Variants in ITGA4 observed in about 807,000 individuals in gnomAD.
ITGA4 encodes the protein integrin subunit alpha 4.
Under a neutral mutation model 133.6 loss-of-function variants are expected in ITGA4, and 63 were observed. The observed-to-expected ratio is 0.47, with a 90% CI of 0.38 to 0.58. The LOEUF is 0.58. Among genes scored for constraint, ITGA4 ranks in the 20% least tolerant of loss-of-function variants. The probability of loss-of-function intolerance (pLI) is 0.00; values close to 1 mark genes in which losing one functional copy is unlikely to be tolerated. For missense variants in ITGA4, 1,076 were observed against 1,252.7 expected (o/e 0.86, Z 2.13); for synonymous variants, 483 against 438.0 (o/e 1.10, Z -1.28).
Position 181,490,455 on chromosome 2 carries a change from ATT to A in ITGA4, c.1154-2859_1154-2858del, listed in dbSNP as rs5836792. On this transcript the variant is annotated intron_variant, in intron 10 of 27. Coordinates refer to ENST00000397033, the MANE Select transcript of ITGA4 (RefSeq NM_000885.6). The stretch of plus-strand genomic sequence containing the variant: ...CTGTTGCTGCAGAATACATGATTTC[ATT>A]TTTTTTTTTTATGGCTGAATAGTAT... Among the ~76,000 whole-genome samples the A allele has an allele frequency of 9.7e-3, 1,411 of 145,392 alleles. 21 individuals are homozygous for A. Among genetic ancestry groups the A allele is most frequent in the East Asian group, 0.077 (386 of 5,024 alleles).
intron 9 of ITGA4, 120 bp from the exon 10 acceptor site, chr2:181,485,761 C>CCAACT (rs1685900244): frequency 1.3e-6 from 1 of 745,860 alleles, no homozygotes; most frequent in African/African-American, 1.8e-5. Flanking sequence ...AAAGCTCAGT[C>CCAACT]TGTAGTTTGT....
chr2:181,481,632 G>A lies in ITGA4; in HGVS notation c.789G>A (p.Gln263=). 1 of 1,599,562 alleles carries A rather than the reference G, an allele frequency of 6.3e-7. No homozygotes were observed. The highest frequency in any genetic ancestry group is 8.6e-7 in the Non-Finnish European group (1 of 1,169,308). Residue 263 remains glutamine, a synonymous_variant, in exon 7 of 28, where the codon CAG becomes CAA. Transcript: ENST00000397033. Reference sequence around the variant, plus strand: ...TCGGAGCTGGTCATTTTCGGAGCCAGCATACTACCGAAGTAGTCGGAGGAG... The same window carrying A: ...TCGGAGCTGGTCATTTTCGGAGCCAACATACTACCGAAGTAGTCGGAGGAG... ...YSVGAGHFRS[Q]HTTEVVGGAP...
At chr2:181,472,310 T>C (rs957952206) in intron 2 of ITGA4, among the ~76,000 whole-genome samples, 2 of 152,270 alleles carry the variant, frequency 1.3e-5, no homozygotes, top group East Asian at 1.9e-4. Flanking sequence ...ATTAAGCTAT[T>C]TACATGGTAC....
rs1247019640 is a variant in ITGA4, at chr2:181,521,154, C to A, written c.1923-1037C>A. 1.6e-4 allele frequency among the ~76,000 whole-genome samples: 24 copies of A among 152,066 alleles called. 1 individual carries two copies. Among genetic ancestry groups the A allele is most frequent in the Admixed American group, 1.6e-3 (24 of 15,250 alleles). On this transcript the variant is annotated intron_variant, in intron 17 of 27. Coordinates refer to ENST00000397033, the MANE Select transcript of ITGA4 (RefSeq NM_000885.6). The stretch of plus-strand genomic sequence containing the variant: ...TTTGCTTTGGGTAAATGCTTCTCTA[C>A]TTTTAACTAATTTTTCTGAATGTTA...
In ITGA4 at chr2:181,536,585, AAAATTCATAAATTT is replaced by A. The variant is rs201162970; in HGVS notation, c.*1074_*1087del. ...TTACCTTACATGGAAACGAAGAAAC[AAAATTCATAAATTT>A]AAATTCATAAATTTAGCTGAAAGAT... On this transcript the variant is annotated 3_prime_UTR_variant, in exon 28 of 28. Transcript: ENST00000397033. 2,846 of 169,938 alleles carry A rather than the reference AAAATTCATAAATTT, an allele frequency of 0.017. 73 individuals carry two copies. Among genetic ancestry groups the A allele is most frequent in the African/African-American group, 0.064 (2,645 of 41,596 alleles). 10.5% of individuals were successfully genotyped at this position (169,938 alleles called of 1,614,324 possible).
chr2:181,498,619 G>T lies in ITGA4; in HGVS notation c.1541-4G>T, dbSNP rs773840770. 6.4e-7 allele frequency: 1 copy of T among 1,574,580 alleles called. No individual in the cohort carries two copies. ...ATTAATTGCAATTCTCTATATTTTT[G>T]CAGTTTTGTTTTATAACATGAGTTT... On this transcript the variant is annotated splice_polypyrimidine_tract_variant and splice_region_variant and intron_variant, in intron 14 of 27. Transcript: ENST00000397033.
chr2:181,485,638 A>T (rs1291661611), intron 9 of ITGA4, among the ~76,000 whole-genome samples: 1 of 152,224 alleles, frequency 6.6e-6, no homozygotes, highest in African/African-American at 2.4e-5. Flanking sequence ...TGGATTTTCA[A>T]AGCTAGAGAT....
At position 181,536,301 on chromosome 2, in the gene ITGA4, C is replaced by T. The variant is rs1687085613; in HGVS notation, c.*774C>T. The stretch of plus-strand genomic sequence containing the variant: ...CCTATCTATTCTTCCTATAACACAC[C>T]TTTATCAAGCATACCCAGGAGTAAT... On this transcript the variant is annotated 3_prime_UTR_variant, in exon 28 of 28. Transcript: ENST00000397033. 6.6e-6 allele frequency: 1 copy of T among 151,850 alleles called. No homozygotes were observed. The highest frequency in any genetic ancestry group is 1.5e-5 in the Non-Finnish European group (1 of 67,936). 9.4% of individuals were successfully genotyped at this position (151,850 alleles called of 1,614,324 possible). A position where few individuals can be genotyped will look rare whatever the true frequency, so the allele number is the denominator to read the frequency against.
chr2:181,535,454 A>T lies in ITGA4; in HGVS notation c.3026A>T (p.Tyr1009Phe). The change falls in exon 28 of 28, where the codon TAC becomes TTC. Residue 1009 changes from tyrosine to phenylalanine, a missense_variant. Tyr to Phe is a conservative substitution (Grantham distance 22). This residue lies in a region of ITGA4 where 193 missense variants were observed against 172.3 expected (regional missense o/e 1.12). Coordinates refer to ENST00000397033, the MANE Select transcript of ITGA4 (RefSeq NM_000885.6). ...CAGGCTGGCTTCTTTAAAAGACAAT[A>T]CAAATCTATCCTACAAGAAGAAAAC... ...MWKAGFFKRQ[Y>F]KSILQEENRR... The T allele has an allele frequency of 6.2e-7, 1 of 1,609,526 alleles. No homozygotes were observed. Among genetic ancestry groups the T allele is most frequent in the Non-Finnish European group, 8.5e-7 (1 of 1,177,604 alleles).
intron 2 of ITGA4, among the ~76,000 whole-genome samples, chr2:181,466,747 TAAAAG>T (rs1161714296): frequency 1.3e-5 from 2 of 152,130 alleles, no homozygotes; most frequent in Non-Finnish European, 2.9e-5. Flanking sequence ...TATTAGGACT[TAAAAG>T]GAAAAACTAA....
At chr2:181,526,588 G>T (rs961797621) in intron 21 of ITGA4, among the ~76,000 whole-genome samples, 1 of 152,092 alleles carries the variant, frequency 6.6e-6, no homozygotes, top group African/African-American at 2.4e-5. Flanking sequence ...AGCCAGCAGG[G>T]ATCATGAGAT....
At chr2:181,521,902 A>G (rs776840524) in intron 17 of ITGA4, among the ~76,000 whole-genome samples, 1 of 152,188 alleles carries the variant, frequency 6.6e-6, no homozygotes, top group Non-Finnish European at 1.5e-5. Flanking sequence ...TTAAAATTAT[A>G]GAAGCAAGAG....
chr2:181,509,862 A>T, intron 16 of ITGA4, 55 bp downstream of exon 16: 1 of 1,325,518 alleles, frequency 7.5e-7, no homozygotes, highest in Non-Finnish European at 1.1e-6. Flanking sequence ...TAAATTTTTA[A>T]AATATGGCAT....
At chr2:181,505,010 G>C (rs1277316310) in intron 15 of ITGA4, among the ~76,000 whole-genome samples, 12 of 151,754 alleles carry the variant, frequency 7.9e-5, no homozygotes, top group African/African-American at 2.9e-4. Flanking sequence ...CCCTGCATTA[G>C]CACCAGAGAG....
In ITGA4 at chr2:181,482,641, A is replaced by T. The variant is rs770276809; in HGVS notation, c.1031A>T (p.Asn344Ile). 6.2e-7 allele frequency: 1 copy of T among 1,613,458 alleles called. No homozygotes were observed. Among genetic ancestry groups the T allele is most frequent in the Non-Finnish European group, 8.5e-7 (1 of 1,179,606 alleles). Residue 344 changes from asparagine to isoleucine, a missense_variant, in exon 9 of 28, where the codon AAC (asparagine) becomes ATC (isoleucine). By Grantham distance (149) the Asn-to-Ile change is moderately radical. Around this residue, in one of 4 missense-constraint regions of ITGA4, gnomAD observed 436 missense variants for 590.7 expected, o/e 0.74. Coordinates refer to ENST00000397033, the MANE Select transcript of ITGA4 (RefSeq NM_000885.6). ...GAAGGAAGAGTGTTTGTGTACATCA[A>T]CTCTGGCTCGGTATGTCCAAGTGCC... ...REEGRVFVYI[N>I]SGSGAVMNAM...
At chr2:181,491,142 A>T (rs1250740847) in intron 10 of ITGA4, among the ~76,000 whole-genome samples, 1 of 152,202 alleles carries the variant, frequency 6.6e-6, no homozygotes, top group East Asian at 1.9e-4. Flanking sequence ...TATGGAAAAA[A>T]ATTTATCTGG....
rs1306947082 is a variant in ITGA4, at chr2:181,524,230, T to C, written c.2229T>C (p.Ser743=). ...SSLSRAEEDL[S]ITVHATCENE... ...TCAGCAGAGCGGAAGAGGACCTCAG[T>C]ATCACAGTGCATGCTACCTGGTATA... Residue 743 remains serine (S), a synonymous_variant, in exon 20 of 28, where the codon AGT becomes AGC. Coordinates refer to ENST00000397033, the MANE Select transcript of ITGA4 (RefSeq NM_000885.6). 2 of 1,589,008 alleles carry C rather than the reference T, an allele frequency of 1.3e-6. No individual in the cohort carries two copies. The highest frequency in any genetic ancestry group is 1.7e-6 in the Non-Finnish European group (2 of 1,164,574).
intron 16 of ITGA4, 109 bp downstream of exon 16, chr2:181,509,916 G>T (rs779493992): frequency 2.6e-6 from 2 of 769,126 alleles, no homozygotes; most frequent in Admixed American, 2.9e-5. Context: ...TTAAAAATAC[G>T]AATTTTTAAA....
In ITGA4 at chr2:181,535,670, G is replaced by A; in HGVS notation, c.*143G>A. 3 of 1,052,784 alleles carry A rather than the reference G, an allele frequency of 2.8e-6. No homozygotes were observed. The highest frequency in any genetic ancestry group is 3.9e-6 in the Non-Finnish European group (3 of 759,802). 65.2% of individuals were successfully genotyped at this position (1,052,784 alleles called of 1,614,324 possible). A position where few individuals can be genotyped will look rare whatever the true frequency, so the allele number is the denominator to read the frequency against. On this transcript the variant is annotated 3_prime_UTR_variant, in exon 28 of 28. Coordinates refer to ENST00000397033, the MANE Select transcript of ITGA4 (RefSeq NM_000885.6). ...GTGACATATTATGTCTTCATGCAAG[G>A]GGAAAATCTCAGCAATGATTACTCT...
Sources: allele counts gnomAD v4.1 joint callset (sites outside exome capture counted in the v4.1 genomes callset), GRCh38; gene constraint gnomAD v4.1.1; regional missense constraint gnomAD v4.1.1; transcripts MANE v1.5; gene names NCBI Gene and HGNC (gene_info 2026-07-23, HGNC 2026-07-21).